Variants in GPR75 observed in about 807,000 individuals in gnomAD.
GPR75 encodes the protein probable G protein-coupled receptor 75.
Under a neutral mutation model 26.0 loss-of-function variants are expected in GPR75, and 27 were observed. The ratio of observed to expected loss-of-function variants is 1.04; its 90% confidence interval spans 0.77 to 1.43. GPR75 has a LOEUF of 1.43. Ranked by LOEUF, GPR75 falls within the 40% of genes most tolerant of loss-of-function variation. The probability of loss-of-function intolerance (pLI) is 0.00; values close to 1 mark genes in which losing one functional copy is unlikely to be tolerated. For missense variants in GPR75, 699 were observed against 662.3 expected (o/e 1.06, Z -0.61); for synonymous variants, 285 against 256.3 (o/e 1.11, Z -1.07).
chr2:53,857,783 GC>G (rs1025547727), intron 1 of GPR75, among the ~76,000 whole-genome samples: 2 of 151,868 alleles, frequency 1.3e-5, no homozygotes, highest in African/African-American at 4.8e-5. Flanking sequence ...TCACTATGTT[GC>G]CCTCACTGGT....
intron 1 of GPR75, among the ~76,000 whole-genome samples, chr2:53,858,253 A>G (rs935088747): frequency 6.6e-6 from 1 of 152,200 alleles, no homozygotes; most frequent in East Asian, 1.9e-4. Context: ...CACCTATTCT[A>G]GAGGCTTTAC....
intron 1 of GPR75, among the ~76,000 whole-genome samples, chr2:53,859,626 TG>T (rs1242680211): frequency 1.2e-3 from 5 of 4,020 alleles, no homozygotes; most frequent in Admixed American, 6.1e-3. Flanking sequence ...GGTGGGTGGG[TG>T]GGGGGGGTTC....
intron 1 of GPR75, among the ~76,000 whole-genome samples, chr2:53,856,638 T>TA (rs1678233306): frequency 6.6e-6 from 1 of 152,222 alleles, no homozygotes; most frequent in Admixed American, 6.5e-5. Context: ...CTATCAGACA[T>TA]ATACCAGTCC....
At chr2:53,854,976 C>G in intron 1 of GPR75, 111 bp from the exon 2 acceptor site, 1 of 511,842 alleles carries the variant, frequency 2.0e-6, no homozygotes. Flanking sequence ...GTATCTCTCA[C>G]CTTGAGAGAA....
chr2:53,858,010 A>C (rs1158461952), intron 1 of GPR75, among the ~76,000 whole-genome samples: 1 of 152,214 alleles, frequency 6.6e-6, no homozygotes, highest in Non-Finnish European at 1.5e-5. Context: ...AATGTTCCAC[A>C]CTATTAGCTT....
In GPR75 at chr2:53,853,298, T is replaced by C. The variant is rs774595332; in HGVS notation, c.1459A>G (p.Asn487Asp). Residue 487 changes from asparagine (N) to aspartate (D), a missense_variant, in exon 2 of 2, where the codon AAC becomes GAC. Transcript: ENST00000394705. ...TRIEPYYSIYNSSPSQEESSP... is the reference protein window; with the variant it reads ...TRIEPYYSIYDSSPSQEESSP... Reference sequence around the variant, plus strand: ...CTCTCCTCCTGGGAAGGGCTGCTGTTATAGATGCTGTAGTAAGGTTCAATC... The same window carrying C: ...CTCTCCTCCTGGGAAGGGCTGCTGTCATAGATGCTGTAGTAAGGTTCAATC... 4 of 1,614,066 alleles carry C rather than the reference T, an allele frequency of 2.5e-6. No individual in the cohort carries two copies. The highest frequency in any genetic ancestry group is 2.7e-5 in the African/African-American group (2 of 74,912).
Position 53,853,617 on chromosome 2 carries a change from A to G in GPR75, c.1140T>C (p.Ser380=), listed in dbSNP as rs776647049. ...GLNPFIYSRN[S]AGLRRKVLWC... ...AGAGCACTTTCCTTCTCAGCCCTGC[A>G]CTGTTCCGAGAATATATAAAAGGGT... The change falls in exon 2 of 2, where the codon AGT becomes AGC. Residue 380 remains serine (S), a synonymous_variant. Transcript: ENST00000394705. 1.2e-5 allele frequency: 20 copies of G among 1,614,008 alleles called. No homozygotes were observed. Among genetic ancestry groups the G allele is most frequent in the Non-Finnish European group, 1.7e-5 (20 of 1,179,862 alleles).
chr2:53,854,520 A>C lies in GPR75; in HGVS notation c.237T>G (p.Phe79Leu). The C allele has an allele frequency of 6.2e-7, 1 of 1,614,152 alleles. No homozygotes were observed. Among genetic ancestry groups the C allele is most frequent in the Non-Finnish European group, 8.5e-7 (1 of 1,180,000 alleles). ...DPAFRKFRTN[F>L]DFMILNLSFC... The stretch of plus-strand genomic sequence containing the variant: ...AGGACAGGTTCAGGATCATGAAATC[A>C]AAGTTGGTTCTGAATTTCCTGAAGG... The change falls in exon 2 of 2, where the codon TTT becomes TTG. Residue 79 changes from phenylalanine to leucine, a missense_variant. Coordinates refer to ENST00000394705, the MANE Select transcript of GPR75 (RefSeq NM_006794.4).
rs1678133951 is a variant in GPR75 at position 53,853,196 on chromosome 2, T to C, written c.1561A>G (p.Asn521Asp). Residue 521 changes from asparagine (N) to aspartate (D), a missense_variant, in exon 2 of 2, where the codon AAT (asparagine) becomes GAT (aspartate). Transcript: ENST00000394705. ...SYIAMHYHTT[N>D]DLVQEYDSTS... ...CTGTCATATTCCTGCACTAAGTCAT[T>C]AGTGGTGTGATAATGCATGGCAATA... 2 of 1,613,924 alleles carry C rather than the reference T, an allele frequency of 1.2e-6. No homozygotes were observed. The highest frequency in any genetic ancestry group is 1.7e-6 in the Non-Finnish European group (2 of 1,179,818).
Position 53,853,161 on chromosome 2 carries a change from G to A in GPR75, c.1596C>T (p.Ala532=), listed in dbSNP as rs768962018. The A allele has an allele frequency of 6.2e-7, 1 of 1,613,588 alleles. No homozygotes were observed. The highest frequency in any genetic ancestry group is 8.5e-7 in the Non-Finnish European group (1 of 1,179,630). The part of the protein sequence containing the change: ...DLVQEYDSTS[A]KQIPVPSV ...AAACGGAGGGGACTGGAATCTGCTT[G>A]GCTGAAGTGCTGTCATATTCCTGCA... The change falls in exon 2 of 2, where the codon GCC becomes GCT. Residue 532 remains alanine (A), a synonymous_variant. Coordinates refer to ENST00000394705, the MANE Select transcript of GPR75 (RefSeq NM_006794.4).
chr2:53,856,720 C>G (rs927889001), intron 1 of GPR75, among the ~76,000 whole-genome samples: 2 of 152,156 alleles, frequency 1.3e-5, no homozygotes, highest in Non-Finnish European at 2.9e-5. Flanking sequence ...TCTTAACATT[C>G]ATATGGTACA....
chr2:53,853,347 G>T lies in GPR75; in HGVS notation c.1410C>A (p.Ser470Arg). Residue 470 changes from serine to arginine, a missense_variant, in exon 2 of 2, where the codon AGC becomes AGA. Physicochemically the swap from Ser to Arg is moderately radical, Grantham distance 110. Transcript: ENST00000394705. ...TCCGAGTGTTGATGGGGGTCGAGCT[G>T]CTCTGACCACAGTGTTGATGTCCAG... The part of the protein sequence containing the change: ...ISAGHQHCGQ[S>R]SSTPINTRIE... 6.2e-7 allele frequency: 1 copy of T among 1,613,618 alleles called. No homozygotes were observed. The highest frequency in any genetic ancestry group is 8.5e-7 in the Non-Finnish European group (1 of 1,179,502).
chr2:53,857,439 A>ATGAAGAGGGG (rs1302262782), intron 1 of GPR75, among the ~76,000 whole-genome samples: 223 of 152,212 alleles, frequency 1.5e-3, no homozygotes, highest in African/African-American at 5.1e-3. Flanking sequence ...AGGTAGAGAG[A>ATGAAGAGGGG]TGAAGAGGGG....
Position 53,852,935 on chromosome 2 carries a change from T to C in GPR75, c.*199A>G, listed in dbSNP as rs1292292282. The C allele has an allele frequency of 5.6e-6, 3 of 538,268 alleles. No homozygotes were observed. The highest frequency in any genetic ancestry group is 9.8e-6 in the Non-Finnish European group (3 of 306,840). The allele number at this position is 538,268 out of a possible 1,614,324, so 33.3% of individuals were successfully genotyped here. On this transcript the variant is annotated 3_prime_UTR_variant, in exon 2 of 2. Transcript: ENST00000394705. ...GAGCAGGGTAAAAAATCTAAAACTT[T>C]CACATCAAATCTTAAGATGTCAACA...
At chr2:53,855,999 A>G (rs1397988879) in intron 1 of GPR75, among the ~76,000 whole-genome samples, 2 of 152,204 alleles carry the variant, frequency 1.3e-5, no homozygotes, top group Non-Finnish European at 2.9e-5. Context: ...AAACTGCTAT[A>G]TAAATGTGAG....
In GPR75 at chr2:53,854,350, A is replaced by C; in HGVS notation, c.407T>G (p.Val136Gly). 6.2e-7 allele frequency: 1 copy of C among 1,614,118 alleles called. No homozygotes were observed. Among genetic ancestry groups the C allele is most frequent in the Non-Finnish European group, 8.5e-7 (1 of 1,180,016 alleles). The change falls in exon 2 of 2, where the codon GTG becomes GGG. Residue 136 changes from valine to glycine, a missense_variant. By Grantham distance (109) the Val-to-Gly change is moderately radical. Coordinates refer to ENST00000394705, the MANE Select transcript of GPR75 (RefSeq NM_006794.4). Reference protein sequence around the residue: ...SGFIIMSLKTVAVIALHRLRM... With the variant: ...SGFIIMSLKTGAVIALHRLRM... ...GAGCCGGTGCAGGGCGATCACTGCCACTGTCTTCAGAGACATGATGATGAA... is the reference window on the plus strand; with the variant it reads ...GAGCCGGTGCAGGGCGATCACTGCCCCTGTCTTCAGAGACATGATGATGAA...
At position 53,854,232 on chromosome 2, in the gene GPR75, A is replaced by C; in HGVS notation, c.525T>G (p.Leu175=). 6.2e-7 allele frequency: 1 copy of C among 1,614,108 alleles called. No individual in the cohort carries two copies. Among genetic ancestry groups the C allele is most frequent in the Non-Finnish European group, 8.5e-7 (1 of 1,180,024 alleles). The change falls in exon 2 of 2, where the codon CTT becomes CTG. Residue 175 remains leucine, a synonymous_variant. Coordinates refer to ENST00000394705, the MANE Select transcript of GPR75 (RefSeq NM_006794.4). The part of the protein sequence containing the change: ...TLLLWATSFT[L]ATLATLKTSK... ...TGGTTTTCAAGGTAGCCAAGGTGGC[A>C]AGGGTGAAACTGGTGGCCCAGAGAA...
At chr2:53,856,318 G>A (rs1678224750) in intron 1 of GPR75, among the ~76,000 whole-genome samples, 1 of 152,172 alleles carries the variant, frequency 6.6e-6, no homozygotes, top group South Asian at 2.1e-4. Flanking sequence ...CTTCTGGTGG[G>A]ACCGACTAAG....
Position 53,859,832 on chromosome 2 carries a change from C to G in GPR75, c.-114G>C. 1 of 1,530,332 alleles carries G rather than the reference C, an allele frequency of 6.5e-7. No homozygotes were observed. Among genetic ancestry groups the G allele is most frequent in the Non-Finnish European group, 8.7e-7 (1 of 1,142,990 alleles). 94.8% of individuals were successfully genotyped at this position (1,530,332 alleles called of 1,614,324 possible). ...CAGGGGCCCGCGGCCTCTCACCTGCCGGGTGGCCGCAGCGCCGCCCCTCCT... is the reference window on the plus strand; with the variant it reads ...CAGGGGCCCGCGGCCTCTCACCTGCGGGGTGGCCGCAGCGCCGCCCCTCCT... On this transcript the variant is annotated 5_prime_UTR_variant, in exon 1 of 2. Transcript: ENST00000394705.
Sources: gnomAD v4.1 joint callset for allele counts (sites outside exome capture counted in the v4.1 genomes callset) on GRCh38, gnomAD v4.1.1 for gene constraint, MANE v1.5 for transcripts, NCBI Gene and HGNC (gene_info 2026-07-23, HGNC 2026-07-21) for gene names.